RSPO2: variants seen among roughly 807,000 people sequenced by gnomAD.
RSPO2 encodes the protein R-spondin-2.
Under a neutral mutation model 30.9 loss-of-function variants are expected in RSPO2, and 14 were observed. That is an observed-to-expected ratio of 0.45 (90% confidence interval 0.30 to 0.71). The LOEUF (loss-of-function observed/expected upper bound fraction) is 0.71. Among genes scored for constraint, RSPO2 ranks in the 30% least tolerant of loss-of-function variants. The probability of loss-of-function intolerance (pLI) is 0.08; values close to 1 mark genes in which losing one functional copy is unlikely to be tolerated. For missense variants in RSPO2, 264 were observed against 301.9 expected (o/e 0.87, Z 0.93); for synonymous variants, 107 against 96.4 (o/e 1.11, Z -0.64).
At chr8:107,931,975 C>T (rs2130347646) in intron 5 of RSPO2, among the ~76,000 whole-genome samples, 1 of 152,172 alleles carries the variant, frequency 6.6e-6, no homozygotes, top group Non-Finnish European at 1.5e-5. Context: ...CAAGTGACTA[C>T]CATAATAGAA....
chr8:108,082,400 C>A, intron 2 of RSPO2, 145 bp downstream of exon 2: 1 of 631,238 alleles, frequency 1.6e-6, no homozygotes, highest in Non-Finnish European at 2.8e-6. Context: ...CTCCAGGGTC[C>A]TAAAGGTGGG....
At chr8:108,069,066 G>A (rs1812759775) in intron 2 of RSPO2, among the ~76,000 whole-genome samples, 1 of 152,152 alleles carries the variant, frequency 6.6e-6, no homozygotes, top group Non-Finnish European at 1.5e-5. Context: ...CTTGAATCTA[G>A]GTAAATATTT....
intron 5 of RSPO2, among the ~76,000 whole-genome samples, chr8:107,919,310 T>C (rs1458982599): frequency 6.6e-6 from 1 of 152,182 alleles, no homozygotes; most frequent in Admixed American, 6.6e-5. Flanking sequence ...GAAAGAGATT[T>C]GACTTAACCT....
At chr8:107,911,196 G>T (rs1165960918) in intron 5 of RSPO2, among the ~76,000 whole-genome samples, 2 of 152,022 alleles carry the variant, frequency 1.3e-5, no homozygotes, top group Non-Finnish European at 1.5e-5. Context: ...TGACTTTTTG[G>T]CTTACCTCCC....
chr8:107,927,345 G>C (rs1812412947), intron 5 of RSPO2, among the ~76,000 whole-genome samples: 1 of 152,144 alleles, frequency 6.6e-6, no homozygotes. Context: ...TCTGCAAACA[G>C]GGACAATTTG....
chr8:107,992,723 T>C (rs371192690), intron 2 of RSPO2, among the ~76,000 whole-genome samples: 74 of 152,172 alleles, frequency 4.9e-4, no homozygotes, highest in African/African-American at 1.7e-3. Context: ...CAGAGAGGAA[T>C]AGCAGATTAT....
intron 2 of RSPO2, among the ~76,000 whole-genome samples, chr8:107,999,193 C>T (rs997375097): frequency 1.3e-5 from 2 of 151,818 alleles, no homozygotes; most frequent in Non-Finnish European, 2.9e-5. Context: ...ATTTATCTAA[C>T]AATATTATTT....
At chr8:108,051,399 G>A (rs1294609447) in intron 2 of RSPO2, among the ~76,000 whole-genome samples, 3 of 152,146 alleles carry the variant, frequency 2.0e-5, no homozygotes, top group African/African-American at 7.2e-5. Flanking sequence ...GGAAAAAACG[G>A]CTACAAAAAA....
At chr8:108,034,358 G>A (rs753146093) in intron 2 of RSPO2, among the ~76,000 whole-genome samples, 4 of 152,010 alleles carry the variant, frequency 2.6e-5, no homozygotes, top group Non-Finnish European at 5.9e-5. Context: ...GGTTACGGTG[G>A]GTATTCAGTG....
intron 5 of RSPO2, among the ~76,000 whole-genome samples, chr8:107,935,705 T>G (rs1349985992): frequency 6.6e-6 from 1 of 152,144 alleles, no homozygotes; most frequent in Non-Finnish European, 1.5e-5. Context: ...TACTACTTTA[T>G]GGAAACTGAA....
At chr8:107,963,231 T>TA (rs5893893) in intron 3 of RSPO2, among the ~76,000 whole-genome samples, 52,295 of 144,676 alleles carry the variant, frequency 0.36, 10,720 homozygotes, top group East Asian at 0.65. Flanking sequence ...ATTGTTAAGT[T>TA]AAAAAAAAAA....
chr8:108,035,960 T>C (rs1437563879), intron 2 of RSPO2, among the ~76,000 whole-genome samples: 1 of 152,168 alleles, frequency 6.6e-6, no homozygotes, highest in Non-Finnish European at 1.5e-5. Context: ...TTGGTAAATA[T>C]ATTACAAAGA....
chr8:108,049,513 C>A (rs1279379379), intron 2 of RSPO2, among the ~76,000 whole-genome samples: 1 of 151,752 alleles, frequency 6.6e-6, no homozygotes, highest in Non-Finnish European at 1.5e-5. Flanking sequence ...GTTTTAAGCC[C>A]CGCAGGCATT....
At chr8:107,907,458 C>G in intron 5 of RSPO2, among the ~76,000 whole-genome samples, 1 of 152,114 alleles carries the variant, frequency 6.6e-6, no homozygotes, top group African/African-American at 2.4e-5. Context: ...AAAATAATAA[C>G]AAGCCACCTG....
rs77904290 is a variant in RSPO2, at chr8:107,988,949, C to T, written c.283+107G>A. On this transcript the variant is annotated intron_variant, in intron 3 of 5. Coordinates refer to ENST00000276659, the MANE Select transcript of RSPO2 (RefSeq NM_178565.5). ...AGCAAGCTTAAACTATTTCTATCAC[C>T]TATTACAAACACATTTTTTTTAAAA... 9.1e-4 allele frequency: 942 copies of T among 1,033,098 alleles called. 6 individuals are homozygous for T. The East Asian group carries it at 0.017, about 19-fold the overall frequency. 64.0% of individuals were successfully genotyped at this position (1,033,098 alleles called of 1,614,324 possible).
At chr8:107,999,366 T>TCAATC (rs10679869) in intron 2 of RSPO2, among the ~76,000 whole-genome samples, 1 of 121,798 alleles carries the variant, frequency 8.2e-6, no homozygotes, top group African/African-American at 2.5e-5. Flanking sequence ...TTAAAGGTCT[T>TCAATC]AGATCATTTG....
At chr8:107,949,366 A>G (rs1454497511) in intron 5 of RSPO2, among the ~76,000 whole-genome samples, 1 of 152,160 alleles carries the variant, frequency 6.6e-6, no homozygotes, top group African/African-American at 2.4e-5. Context: ...GTGGTATTCC[A>G]TGGTGTATAT....
At chr8:108,044,050 C>T (rs1349143741) in intron 2 of RSPO2, among the ~76,000 whole-genome samples, 4 of 151,280 alleles carry the variant, frequency 2.6e-5, no homozygotes, top group Admixed American at 6.6e-5. Context: ...ATTTTTTGTT[C>T]TATGAATCCA....
intron 2 of RSPO2, among the ~76,000 whole-genome samples, chr8:108,051,644 C>G (rs1339321535): frequency 6.6e-6 from 1 of 152,166 alleles, no homozygotes; most frequent in Non-Finnish European, 1.5e-5. Flanking sequence ...GAATACCATT[C>G]CAGTAAATAA....
Sources: allele counts gnomAD v4.1 joint callset (sites outside exome capture counted in the v4.1 genomes callset), GRCh38; gene constraint gnomAD v4.1.1; transcripts MANE v1.5; gene names NCBI Gene and HGNC (gene_info 2026-07-23, HGNC 2026-07-21).